UBR3: variants seen among roughly 807,000 people sequenced by gnomAD.
UBR3 encodes the protein E3 ubiquitin-protein ligase UBR3.
A neutral mutation model predicts 243.2 loss-of-function variants in UBR3; 85 were observed. The ratio of observed to expected loss-of-function variants is 0.35; its 90% confidence interval spans 0.29 to 0.42. UBR3 has a LOEUF of 0.42. UBR3 is among the 10% of genes least tolerant of loss of function. The pLI is 1.00. For synonymous variants in UBR3, 748 were observed against 799.8 expected (o/e 0.94, Z 1.09); for missense variants, 1,686 against 2,300.8 (o/e 0.73, Z 5.47).
chr2:169,936,767 C>G (rs979167328), intron 19 of UBR3, among the ~76,000 whole-genome samples: 1 of 151,854 alleles, frequency 6.6e-6, no homozygotes, highest in Non-Finnish European at 1.5e-5. Flanking sequence ...TGAGAACATG[C>G]GGTGTTTGGT....
At chr2:169,932,580 C>CA (rs1281351930) in intron 18 of UBR3, among the ~76,000 whole-genome samples, 8 of 152,236 alleles carry the variant, frequency 5.3e-5, no homozygotes, top group African/African-American at 1.9e-4. Flanking sequence ...TAAATACTCT[C>CA]AGAGATCCTA....
At chr2:170,040,410 C>T (rs2090938609) in intron 31 of UBR3, among the ~76,000 whole-genome samples, 1 of 152,096 alleles carries the variant, frequency 6.6e-6, no homozygotes, top group Admixed American at 6.6e-5. Flanking sequence ...TCGGCTGAAA[C>T]ATTTTAATAA....
rs1332921928 is a variant in UBR3 at position 169,946,385 on chromosome 2, A to T, written c.2903A>T (p.Asp968Val). The T allele has an allele frequency of 6.7e-7, 1 of 1,493,204 alleles. No individual in the cohort carries two copies. The allele number at this position is 1,493,204 out of a possible 1,614,324, so 92.5% of individuals were successfully genotyped here. A position where few individuals can be genotyped will look rare whatever the true frequency, so the allele number is the denominator to read the frequency against. Reference protein sequence around the residue: ...GLENSAEEESDEEASVGGPER... With the variant: ...GLENSAEEESVEEASVGGPER... ...GAAAATTCTGCTGAAGAAGAATCAGATGAAGAGGTAAGTAGTTTTTATAAT... is the reference window on the plus strand; with the variant it reads ...GAAAATTCTGCTGAAGAAGAATCAGTTGAAGAGGTAAGTAGTTTTTATAAT... Residue 968 changes from aspartate to valine, a missense_variant, in exon 21 of 39, where the codon GAT becomes GTT. Physicochemically the swap from Asp to Val is radical, Grantham distance 152. Coordinates refer to ENST00000272793, the MANE Select transcript of UBR3 (RefSeq NM_172070.4).
intron 19 of UBR3, among the ~76,000 whole-genome samples, chr2:169,933,531 T>C (rs1049795340): frequency 5.3e-5 from 8 of 152,228 alleles, no homozygotes; most frequent in African/African-American, 1.9e-4. Flanking sequence ...GAATTCAATT[T>C]TGTATGTTAT....
At chr2:169,854,615 T>A (rs1283997505) in intron 1 of UBR3, among the ~76,000 whole-genome samples, 4 of 152,124 alleles carry the variant, frequency 2.6e-5, no homozygotes, top group Admixed American at 1.3e-4. Flanking sequence ...AGGAGAGAGT[T>A]TATAAAATGT....
rs559399720 is a variant in UBR3 at position 170,020,036 on chromosome 2, C to T, written c.4453+4670C>T. ...CATCAAGCAATCCTCCCACCTTGGC[C>T]TCCCAAAGTGCTGGGATTATAGGCA... On this transcript the variant is annotated intron_variant, in intron 30 of 38. Transcript: ENST00000272793. Among the ~76,000 whole-genome samples, 3 of 152,276 alleles carry T rather than the reference C, an allele frequency of 2.0e-5. No homozygotes were observed. The South Asian group carries it at 6.2e-4, about 32-fold the overall frequency.
chr2:169,860,250 T>A (rs1341128140), intron 1 of UBR3, among the ~76,000 whole-genome samples: 1 of 152,216 alleles, frequency 6.6e-6, no homozygotes, highest in Non-Finnish European at 1.5e-5. Flanking sequence ...ATTGATTGTA[T>A]GCCAGAATTT....
chr2:169,852,346 C>G (rs2082684811), intron 1 of UBR3, among the ~76,000 whole-genome samples: 1 of 152,152 alleles, frequency 6.6e-6, no homozygotes, highest in Non-Finnish European at 1.5e-5. Flanking sequence ...GCTTTACATG[C>G]TTTTGGATCC....
At chr2:170,080,752 C>T in intron 38 of UBR3, 68 bp downstream of exon 38, 1 of 1,482,054 alleles carries the variant, frequency 6.7e-7, no homozygotes, top group South Asian at 1.4e-5. Context: ...ATATGCTATT[C>T]CTGGCTTTGT....
At chr2:169,845,536 CTTCTTCTTCTTCTTCT>C (rs1322901785) in intron 1 of UBR3, among the ~76,000 whole-genome samples, 11 of 145,478 alleles carry the variant, frequency 7.6e-5, no homozygotes, top group Non-Finnish European at 1.5e-4. Context: ...TCGTCGTCTT[CTTCTTCTTCTTCTTCT>C]TTCTTCTTCT....
At position 170,081,728 on chromosome 2, in the gene UBR3, G is replaced by A. The variant is rs372316796; in HGVS notation, c.5552G>A (p.Arg1851Gln). The A allele has an allele frequency of 2.5e-6, 4 of 1,590,368 alleles. No individual in the cohort carries two copies. Among genetic ancestry groups the A allele is most frequent in the Admixed American group, 1.8e-5 (1 of 55,418 alleles). The change falls in exon 39 of 39, where the codon CGA becomes CAA. Residue 1851 changes from arginine (R) to glutamine (Q), a missense_variant and splice_region_variant. Physicochemically the swap from Arg to Gln is conservative, Grantham distance 43. This residue lies in a region of UBR3 where 89 missense variants were observed against 183.3 expected (regional missense o/e 0.49). Coordinates refer to ENST00000272793, the MANE Select transcript of UBR3 (RefSeq NM_172070.4). ...AHGEEDRDLR[R>Q]GKPLYICKER... ...CTTTTTTTTTCTTTTTGTTCTAGGC[G>A]AGGCAAACCTCTCTACATTTGTAAG...
At chr2:169,885,356 C>A (rs574174754) in intron 5 of UBR3, among the ~76,000 whole-genome samples, 8 of 152,022 alleles carry the variant, frequency 5.3e-5, no homozygotes, top group Non-Finnish European at 1.2e-4. Flanking sequence ...CCGAGGCGGG[C>A]GGATCACCTG....
intron 24 of UBR3, among the ~76,000 whole-genome samples, chr2:169,986,294 T>G (rs2089000607): frequency 2.0e-5 from 3 of 152,314 alleles, no homozygotes; most frequent in Middle Eastern, 3.4e-3. Context: ...CAAGGAAAAT[T>G]AAAACAAACA....
intron 20 of UBR3, among the ~76,000 whole-genome samples, chr2:169,944,422 T>C (rs936437829): frequency 2.6e-5 from 4 of 152,194 alleles, no homozygotes; most frequent in Non-Finnish European, 5.9e-5. Flanking sequence ...GTTATATTTT[T>C]CAATTTTTTG....
At chr2:170,077,506 A>G (rs544454853) in intron 36 of UBR3, 29 of 1,103,284 alleles carry the variant, frequency 2.6e-5, no homozygotes, top group Non-Finnish European at 3.3e-5. Flanking sequence ...TCTTCCATAG[A>G]TAAGTAGTTT....
intron 35 of UBR3, among the ~76,000 whole-genome samples, chr2:170,064,166 A>T (rs2091507133): frequency 6.6e-6 from 1 of 152,116 alleles, no homozygotes; most frequent in African/African-American, 2.4e-5. Flanking sequence ...TTCTGTTCCT[A>T]GTCTGGCCCT....
At chr2:169,854,215 A>G (rs1574050719) in intron 1 of UBR3, among the ~76,000 whole-genome samples, 1 of 152,266 alleles carries the variant, frequency 6.6e-6, no homozygotes, top group Non-Finnish European at 1.5e-5. Context: ...TTATCTATGT[A>G]TTATAATTAA....
chr2:169,993,703 A>G (rs1236501129), intron 25 of UBR3, among the ~76,000 whole-genome samples: 1 of 152,194 alleles, frequency 6.6e-6, no homozygotes, highest in Non-Finnish European at 1.5e-5. Context: ...GTAGTAGGTA[A>G]TCTATAGGAT....
chr2:169,969,239 G>A (rs2087971467), intron 24 of UBR3, among the ~76,000 whole-genome samples: 1 of 151,974 alleles, frequency 6.6e-6, no homozygotes, highest in Non-Finnish European at 1.5e-5. Flanking sequence ...TTGTACTTTT[G>A]ATGTCGTACA....
Sources: allele counts gnomAD v4.1 joint callset (sites outside exome capture counted in the v4.1 genomes callset), GRCh38; gene constraint gnomAD v4.1.1; regional missense constraint gnomAD v4.1.1; transcripts MANE v1.5; gene names NCBI Gene and HGNC (gene_info 2026-07-23, HGNC 2026-07-21).